The following SLC25A23 variants were observed in gnomAD, a reference collection of about 807,000 sequenced individuals.
The protein encoded by SLC25A23 is solute carrier family 25 member 23, also known as mitochondrial adenyl nucleotide antiporter SLC25A23.
Under a neutral mutation model 53.9 loss-of-function variants are expected in SLC25A23, and 32 were observed. That is an observed-to-expected ratio of 0.59 (90% CI 0.45 to 0.80). The LOEUF is 0.80. Ranked by LOEUF, SLC25A23 falls within the 30% of genes least tolerant of loss-of-function variation. The pLI, the probability that SLC25A23 is intolerant of heterozygous loss-of-function variation, is 0.00. For synonymous variants in SLC25A23, 275 were observed against 264.5 expected, an observed-to-expected ratio of 1.04 and a Z score of -0.38; for missense variants, 575 against 651.4, an observed-to-expected ratio of 0.88 and a Z score of 1.28.
At chr19:6,453,933 G>A (rs2092632909) in intron 7 of SLC25A23, 48 bp downstream of exon 7, 4 of 1,489,152 alleles carry the variant, frequency 2.7e-6, no homozygotes, top group Non-Finnish European at 2.8e-6. Context: ...GGGTACAGCA[G>A]GCCCCCCACC....
At chr19:6,453,193 T>C (rs2092618728) in intron 7 of SLC25A23, among the ~76,000 whole-genome samples, 2 of 151,030 alleles carry the variant, frequency 1.3e-5, no homozygotes, top group Non-Finnish European at 3.0e-5. Flanking sequence ...GAAGCTACCA[T>C]CCCAGCCTGA....
chr19:6,456,819 A>G (rs1486690888), intron 3 of SLC25A23, among the ~76,000 whole-genome samples: 2 of 151,750 alleles, frequency 1.3e-5, no homozygotes, highest in East Asian at 2.0e-4. Flanking sequence ...AGCTGGGACT[A>G]CAGGTGCACA....
At chr19:6,445,422 A>G (rs2092489185) in intron 8 of SLC25A23, among the ~76,000 whole-genome samples, 1 of 152,118 alleles carries the variant, frequency 6.6e-6, no homozygotes, top group South Asian at 2.1e-4. Flanking sequence ...GGGCCCTTCT[A>G]AGAGTTAGAA....
chr19:6,455,029 C>A (rs2092657626), intron 4 of SLC25A23, among the ~76,000 whole-genome samples: 1 of 152,190 alleles, frequency 6.6e-6, no homozygotes, highest in African/African-American at 2.4e-5. Context: ...TGCCTCACAT[C>A]TGTAGTCCCA....
chr19:6,438,332 T>A (rs999317459), downstream of SLC25A23: 1 of 151,344 alleles, frequency 6.6e-6, no homozygotes, highest in African/African-American at 2.4e-5. Context: ...AGGATGGAAA[T>A]TTGGGCAGAG....
Position 6,454,266 on chromosome 19 carries a change from T to G in SLC25A23, c.795+57A>C. The stretch of plus-strand genomic sequence containing the variant: ...CCCCCAAGCCAATCCCGTAAATCTT[T>G]ATGTACAGCCCAGTCTTCCCTATGG... On this transcript the variant is annotated intron_variant, in intron 6 of 9. Coordinates refer to ENST00000301454, the MANE Select transcript of SLC25A23 (RefSeq NM_024103.3). The surrounding 1 kb of genome is among the most constrained non-coding windows in gnomAD (Gnocchi z 4.3). 2 of 1,571,906 alleles carry G rather than the reference T, an allele frequency of 1.3e-6. No individual in the cohort carries two copies. Among genetic ancestry groups the G allele is most frequent in the Non-Finnish European group, 1.7e-6 (2 of 1,156,504 alleles).
intron 9 of SLC25A23, among the ~76,000 whole-genome samples, chr19:6,442,852 T>C (rs2144789267): frequency 6.6e-6 from 1 of 151,184 alleles, no homozygotes; most frequent in African/African-American, 2.4e-5. Context: ...CACCCGGCCC[T>C]TGAACTCTTA....
In SLC25A23 at chr19:6,442,171, C is replaced by CGGGGGGGGGGGGGG; in HGVS notation, c.1223-13_1223-12insCCCCCCCCCCCCCC. 24 of 597,730 alleles carry CGGGGGGGGGGGGGG rather than the reference C, an allele frequency of 4.0e-5. No individual in the cohort carries two copies. Among genetic ancestry groups the CGGGGGGGGGGGGGG allele is most frequent in the Non-Finnish European group, 5.2e-5 (20 of 384,632 alleles). The allele number at this position is 597,730 out of a possible 1,614,324, so 37.0% of individuals were successfully genotyped here. A position where few individuals can be genotyped will look rare whatever the true frequency, so the allele number is the denominator to read the frequency against. On this transcript the variant is annotated splice_polypyrimidine_tract_variant and intron_variant, in intron 9 of 9. Coordinates refer to ENST00000301454, the MANE Select transcript of SLC25A23 (RefSeq NM_024103.3). ...ACCCTCGATGGAGGCTGGGAGGGGG[C>CGGGGGGGGGGGGGG]GGGGGGGGCACCAGGTAAGGCCAAC...
Position 6,455,799 on chromosome 19 carries a change from G to A in SLC25A23, c.483+621C>T, listed in dbSNP as rs1257737344. On this transcript the variant is annotated intron_variant, in intron 4 of 9. Transcript: ENST00000301454. ...GTGGCACGATCTCGGCTCACTGCAA[G>A]CTCCCGCCTCCTGGGTTCACGCCAT... is the stretch of plus-strand genomic sequence containing the variant. Among the ~76,000 whole-genome samples, 3 of 146,676 alleles carry A rather than the reference G, an allele frequency of 2.0e-5. No individual in the cohort carries two copies. In the East Asian group the frequency reaches 6.5e-4, roughly 32 times the overall value.
At chr19:6,451,484 G>A (rs983841631) in intron 8 of SLC25A23, among the ~76,000 whole-genome samples, 2 of 152,216 alleles carry the variant, frequency 1.3e-5, no homozygotes, top group Admixed American at 1.3e-4. Flanking sequence ...GGCTCTCTGC[G>A]ACTTCACAGG....
At chr19:6,452,560 A>G in intron 7 of SLC25A23, 81 bp from the exon 8 acceptor site, 1 of 1,469,750 alleles carries the variant, frequency 6.8e-7, no homozygotes, top group Non-Finnish European at 9.1e-7. Context: ...AGAAATAGCT[A>G]CTCCTGAAAA....
chr19:6,447,613 G>T (rs7252859), intron 8 of SLC25A23, among the ~76,000 whole-genome samples: 6,377 of 152,150 alleles, frequency 0.042, 403 homozygotes, highest in African/African-American at 0.15. Flanking sequence ...CTCCTGTGTA[G>T]CTGGGATTAC....
chr19:6,444,339 T>TGGGGGTGGGA, intron 8 of SLC25A23, 38 bp from the exon 9 acceptor site: 1 of 1,270,334 alleles, frequency 7.9e-7, no homozygotes, highest in Admixed American at 1.8e-5. Context: ...TTGGGGTGGG[T>TGGGGGTGGGA]GACCCTAGGA....
In SLC25A23 at chr19:6,456,075, G is replaced by T. The variant is rs552263961; in HGVS notation, c.483+345C>A. The T allele has an allele frequency of 6.6e-5, 90 of 1,358,598 alleles. No homozygotes were observed. In the African/African-American group the frequency reaches 1.1e-3, roughly 17 times the overall value. The allele number at this position is 1,358,598 out of a possible 1,614,324, so 84.2% of individuals were successfully genotyped here. A position where few individuals can be genotyped will look rare whatever the true frequency, so the allele number is the denominator to read the frequency against. On this transcript the variant is annotated intron_variant, in intron 4 of 9. Coordinates refer to ENST00000301454, the MANE Select transcript of SLC25A23 (RefSeq NM_024103.3). The stretch of plus-strand genomic sequence containing the variant: ...CCGTAGAATCTTTTATCCAGGCAGA[G>T]AACCCAGCAGAAGAGAGCTGTGTGG...
rs2092421559 is a variant in SLC25A23, at chr19:6,441,586, T to A, written c.*389A>T. ...GTAGGGGGCACAGGGAAGCGTGGGA[T>A]CCACCTTAGGATGTGGGGCTGCAGG... On this transcript the variant is annotated 3_prime_UTR_variant, in exon 10 of 10. Transcript: ENST00000301454. 4.3e-6 allele frequency: 1 copy of A among 234,880 alleles called. No homozygotes were observed. The highest frequency in any genetic ancestry group is 5.2e-5 in the Admixed American group (1 of 19,364). The allele number at this position is 234,880 out of a possible 1,614,324, so 14.5% of individuals were successfully genotyped here.
At chr19:6,439,019 C>T (rs564179436), downstream of SLC25A23, among the ~76,000 whole-genome samples, 7 of 150,726 alleles carry the variant, frequency 4.6e-5, no homozygotes, top group Admixed American at 3.3e-4. Context: ...ACAGCCTGGG[C>T]GACAGAGCGA....
intron 8 of SLC25A23, 24 bp from the exon 9 acceptor site, chr19:6,444,325 A>G: frequency 5.7e-6 from 4 of 706,850 alleles, no homozygotes; most frequent in Non-Finnish European, 7.3e-6. Context: ...GGGAGTAGGG[A>G]GGGTTGGGGT....
In SLC25A23 at chr19:6,459,674, G is replaced by A. The variant is rs1568382809; in HGVS notation, c.-46C>T. The A allele has an allele frequency of 5.5e-6, 7 of 1,283,512 alleles. No homozygotes were observed. Among genetic ancestry groups the A allele is most frequent in the Non-Finnish European group, 5.9e-6 (6 of 1,021,332 alleles). The allele number at this position is 1,283,512 out of a possible 1,614,324, so 79.5% of individuals were successfully genotyped here. A position where few individuals can be genotyped will look rare whatever the true frequency, so the allele number is the denominator to read the frequency against. ...GGGAGGCCCGGCAGCGGCGGCCTCA[G>A]TGGGGGCTTCGCGGCTCCCCCTCCC... On this transcript the variant is annotated 5_prime_UTR_variant, in exon 1 of 10. Transcript: ENST00000301454. The surrounding 1 kb of genome is among the most constrained non-coding windows in gnomAD (Gnocchi z 4.6).
At chr19:6,442,255 C>G in intron 9 of SLC25A23, 96 bp from the exon 10 acceptor site, 19 of 822,004 alleles carry the variant, frequency 2.3e-5, no homozygotes, top group Non-Finnish European at 3.5e-5. Context: ...GTCATTGCAG[C>G]AGGAGGGAAG....
Sources: gnomAD v4.1 joint callset for allele counts (sites outside exome capture counted in the v4.1 genomes callset) on GRCh38, gnomAD v4.1.1 for gene constraint, Gnocchi (gnomAD v3.1) non-coding constraint, MANE v1.5 for transcripts, NCBI Gene and HGNC (gene_info 2026-07-23, HGNC 2026-07-21) for gene names.